The following SH3RF1 variants were observed in gnomAD, a reference collection of about 807,000 sequenced individuals.
SH3RF1 encodes SH3 domain containing ring finger 1, also known as E3 ubiquitin-protein ligase SH3RF1.
A neutral mutation model predicts 74.0 loss-of-function variants in SH3RF1; 32 were observed. That is an observed-to-expected ratio of 0.43 (90% CI 0.33 to 0.58). The LOEUF is 0.58. Ranked by LOEUF, SH3RF1 falls within the 20% of genes least tolerant of loss-of-function variation. The pLI is 0.05. For synonymous variants in SH3RF1, 396 were observed against 439.6 expected, an observed-to-expected ratio of 0.90 and a Z score of 1.24; for missense variants, 954 against 1,130.9, an observed-to-expected ratio of 0.84 and a Z score of 2.24.
chr4:169,229,692 T>A (rs1220905884), intron 2 of SH3RF1, among the ~76,000 whole-genome samples: 1 of 151,794 alleles, frequency 6.6e-6, no homozygotes, highest in Non-Finnish European at 1.5e-5. Context: ...CTCCACAGAG[T>A]ATTACTCATG....
rs767430368 is a variant in SH3RF1 at position 169,209,288 on chromosome 4, G to GA, written c.394-52610dup. Among the ~76,000 whole-genome samples the GA allele has an allele frequency of 1.6e-3, 212 of 130,150 alleles. 1 individual carries two copies. Among genetic ancestry groups the GA allele is most frequent in the Admixed American group, 2.0e-3 (25 of 12,746 alleles). 85.4% of individuals were successfully genotyped at this position (130,150 alleles called of 152,430 possible). Reference sequence around the variant, plus strand: ...TGAGTGACAGAACAAGACCCTGTCCGAAAAAAAAAAAAAAATGAGGCAGCA... The same window carrying GA: ...TGAGTGACAGAACAAGACCCTGTCCGAAAAAAAAAAAAAAAATGAGGCAGCA... On this transcript the variant is annotated intron_variant, in intron 2 of 11. Coordinates refer to ENST00000284637, the MANE Select transcript of SH3RF1 (RefSeq NM_020870.4).
intron 2 of SH3RF1, among the ~76,000 whole-genome samples, chr4:169,188,475 C>T (rs952014705): frequency 1.3e-5 from 2 of 152,126 alleles, no homozygotes; most frequent in African/African-American, 2.4e-5. Flanking sequence ...ACTGTAAAAC[C>T]GAAAGGCCCT....
At chr4:169,099,930 A>G (rs1196739533) in intron 11 of SH3RF1, among the ~76,000 whole-genome samples, 1 of 152,188 alleles carries the variant, frequency 6.6e-6, no homozygotes, top group African/African-American at 2.4e-5. Context: ...GTGCAGGAGT[A>G]ATAGACTCTA....
At chr4:169,133,650 G>A (rs74686794) in intron 5 of SH3RF1, among the ~76,000 whole-genome samples, 1,883 of 149,206 alleles carry the variant, frequency 0.013, 24 homozygotes, top group Non-Finnish European at 0.017. Context: ...TGGTGGTGGC[G>A]CCTGTAATCC....
chr4:169,249,726 T>C (rs1049390080), intron 2 of SH3RF1, among the ~76,000 whole-genome samples: 1 of 152,202 alleles, frequency 6.6e-6, no homozygotes, highest in Non-Finnish European at 1.5e-5. Flanking sequence ...CTGTGACTCT[T>C]TAAGTAAATA....
At chr4:169,105,999 T>A (rs1382619587) in intron 11 of SH3RF1, among the ~76,000 whole-genome samples, 1 of 146,094 alleles carries the variant, frequency 6.8e-6, no homozygotes, top group Non-Finnish European at 1.5e-5. Context: ...ATTGTGAATT[T>A]TTTTTGCAAT....
At position 169,136,634 on chromosome 4, in the gene SH3RF1, CAACA is replaced by C; in HGVS notation, c.766-18_766-15del. On this transcript the variant is annotated splice_polypyrimidine_tract_variant and intron_variant, in intron 4 of 11. Transcript: ENST00000284637. ...AGCCGAGTTAAACTGCAAAAGCAAC[CAACA>C]AACCAACACAAGAAGGTTAAACAAT... is the stretch of plus-strand genomic sequence containing the variant. 6.8e-7 allele frequency: 1 copy of C among 1,477,906 alleles called. No individual in the cohort carries two copies. 91.5% of individuals were successfully genotyped at this position (1,477,906 alleles called of 1,614,324 possible). A position where few individuals can be genotyped will look rare whatever the true frequency, so the allele number is the denominator to read the frequency against.
intron 2 of SH3RF1, among the ~76,000 whole-genome samples, chr4:169,168,207 C>A (rs1056937628): frequency 2.2e-5 from 3 of 134,536 alleles, no homozygotes; most frequent in Non-Finnish European, 3.3e-5. Flanking sequence ...AAGAGAATGG[C>A]AAAATGAGAA....
intron 2 of SH3RF1, among the ~76,000 whole-genome samples, chr4:169,187,460 T>C (rs541009380): frequency 6.6e-6 from 1 of 152,108 alleles, no homozygotes; most frequent in East Asian, 1.9e-4. Context: ...AGTGCTGGGA[T>C]TACAGGCATG....
intron 6 of SH3RF1, among the ~76,000 whole-genome samples, chr4:169,129,536 G>C (rs1171521022): frequency 6.6e-6 from 1 of 152,164 alleles, no homozygotes; most frequent in Non-Finnish European, 1.5e-5. Context: ...CATAATCTAA[G>C]GGGGCCTTCC....
chr4:169,110,636 T>A (rs1733227798), intron 10 of SH3RF1, among the ~76,000 whole-genome samples: 1 of 151,798 alleles, frequency 6.6e-6, no homozygotes, highest in Admixed American at 6.6e-5. Context: ...AAAAGAACAA[T>A]AGGAAAGGTC....
Position 169,176,505 on chromosome 4 carries a change from A to AT in SH3RF1, c.394-19827dup, listed in dbSNP as rs528333148. On this transcript the variant is annotated intron_variant, in intron 2 of 11. Transcript: ENST00000284637. ...TTAATTTTAACTGAACAAAACCAATATTAATATTTACTAAGATGAACATAA... is the reference window on the plus strand; with the variant it reads ...TTAATTTTAACTGAACAAAACCAATATTTAATATTTACTAAGATGAACATAA... Among the ~76,000 whole-genome samples, 419 of 152,216 alleles carry AT rather than the reference A, an allele frequency of 2.8e-3. 2 individuals are homozygous for AT. The highest frequency in any genetic ancestry group is 9.5e-3 in the African/African-American group (393 of 41,516).
chr4:169,195,142 T>C (rs1335434701), intron 2 of SH3RF1, among the ~76,000 whole-genome samples: 2 of 152,160 alleles, frequency 1.3e-5, no homozygotes, highest in Admixed American at 6.6e-5. Context: ...TGGCTGAAAA[T>C]GTCTTTATTT....
At chr4:169,260,410 C>G (rs116661023) in intron 2 of SH3RF1, among the ~76,000 whole-genome samples, 136 of 152,282 alleles carry the variant, frequency 8.9e-4, no homozygotes, top group African/African-American at 2.9e-3. Context: ...TTGGAAAGAA[C>G]AGACCACAGT....
intron 10 of SH3RF1, among the ~76,000 whole-genome samples, chr4:169,110,493 C>T (rs1267125521): frequency 2.0e-5 from 3 of 151,790 alleles, no homozygotes; most frequent in Non-Finnish European, 2.9e-5. Flanking sequence ...AGCCAGGTGC[C>T]GTGGTGTGAA....
At chr4:169,218,286 TATA>T (rs990391762) in intron 2 of SH3RF1, among the ~76,000 whole-genome samples, 2 of 131,106 alleles carry the variant, frequency 1.5e-5, no homozygotes, top group African/African-American at 5.4e-5. Flanking sequence ...ATATATAATA[TATA>T]ATATATAATA....
At chr4:169,202,909 T>C (rs1734934707) in intron 2 of SH3RF1, among the ~76,000 whole-genome samples, 2 of 152,276 alleles carry the variant, frequency 1.3e-5, no homozygotes, top group East Asian at 1.9e-4. Flanking sequence ...AGGAAAACAA[T>C]TTAAAATGTA....
At chr4:169,241,013 G>A (rs893949992) in intron 2 of SH3RF1, among the ~76,000 whole-genome samples, 1 of 152,160 alleles carries the variant, frequency 6.6e-6, no homozygotes, top group Non-Finnish European at 1.5e-5. Flanking sequence ...GGCGGATCAC[G>A]AGGTCAGGAG....
At chr4:169,202,054 G>C (rs1168150548) in intron 2 of SH3RF1, among the ~76,000 whole-genome samples, 1 of 151,592 alleles carries the variant, frequency 6.6e-6, no homozygotes, top group East Asian at 1.9e-4. Context: ...ATAATGTTGT[G>C]AGAATTAAAT....
Sources: allele counts gnomAD v4.1 joint callset (sites outside exome capture counted in the v4.1 genomes callset), GRCh38; gene constraint gnomAD v4.1.1; transcripts MANE v1.5; gene names NCBI Gene and HGNC (gene_info 2026-07-23, HGNC 2026-07-21).